The following KIF6 variants were observed in gnomAD, a reference collection of about 807,000 sequenced individuals.
KIF6 encodes kinesin family member 6.
Under a neutral mutation model 112.7 loss-of-function variants are expected in KIF6, and 106 were observed. The ratio of observed to expected loss-of-function variants is 0.94; its 90% CI spans 0.80 to 1.11. The LOEUF (loss-of-function observed/expected upper bound fraction) is 1.11, where lower values mean the gene tolerates loss of function less well. Among genes scored for constraint, KIF6 ranks in the 50% least tolerant of loss-of-function variants. The pLI is 0.00. For missense variants in KIF6, 929 were observed against 964.0 expected, an observed-to-expected ratio of 0.96 and a Z score of 0.48; for synonymous variants, 339 against 339.9, an observed-to-expected ratio of 1.00 and a Z score of 0.03.
chr6:39,360,641 T>C (rs532458360), intron 17 of KIF6, 111 bp from the exon 18 acceptor site: 3 of 1,268,964 alleles, frequency 2.4e-6, no homozygotes, highest in African/African-American at 2.9e-5. Context: ...AGAGCTGCCC[T>C]GGTGCTCAGG....
At chr6:39,388,052 T>G (rs1363664205) in intron 15 of KIF6, among the ~76,000 whole-genome samples, 2 of 152,070 alleles carry the variant, frequency 1.3e-5, no homozygotes, top group African/African-American at 2.4e-5. Flanking sequence ...AGTGGCTTGC[T>G]CCTTTAGAGC....
intron 22 of KIF6, among the ~76,000 whole-genome samples, chr6:39,338,657 C>T (rs545371383): frequency 1.1e-4 from 16 of 152,308 alleles, no homozygotes; most frequent in African/African-American, 3.1e-4. Flanking sequence ...CAGCCCAGAA[C>T]CATTCAGTCA....
chr6:39,613,350 C>G (rs1254779398), intron 5 of KIF6, 32 bp from the exon 6 acceptor site: 1 of 1,533,144 alleles, frequency 6.5e-7, no homozygotes. Flanking sequence ...AAACAAGGTA[C>G]TGCTGAGAAT....
rs1435536101 is a variant in KIF6, at chr6:39,342,619, T to G, written c.2428+1090A>C. On this transcript the variant is annotated intron_variant, in intron 22 of 22. Transcript: ENST00000287152. This position sits in a 1 kb window ranked among gnomAD's most constrained non-coding sequence, Gnocchi z 4.7. ...GTTTTTTATTTTTTTTTATTTTTTT[T>G]TATTTTTTTTTATTTTTAGACAAGG... Among the ~76,000 whole-genome samples, 1 of 120,768 alleles carries G rather than the reference T, an allele frequency of 8.3e-6. No individual in the cohort carries two copies. Among genetic ancestry groups the G allele is most frequent in the Admixed American group, 7.4e-5 (1 of 13,510 alleles). 79.2% of individuals were successfully genotyped at this position (120,768 alleles called of 152,430 possible). A position where few individuals can be genotyped will look rare whatever the true frequency, so the allele number is the denominator to read the frequency against.
chr6:39,365,784 C>A (rs371008132), intron 16 of KIF6, among the ~76,000 whole-genome samples: 211 of 152,312 alleles, frequency 1.4e-3, no homozygotes, highest in African/African-American at 4.5e-3. Context: ...ACTGGCTAGA[C>A]GTCCTGCTGC....
intron 1 of KIF6, among the ~76,000 whole-genome samples, chr6:39,722,559 T>C (rs1790279291): frequency 6.6e-6 from 1 of 152,240 alleles, no homozygotes; most frequent in Admixed American, 6.5e-5. Context: ...TTTATTAATC[T>C]GTTATTACAA....
intron 3 of KIF6, among the ~76,000 whole-genome samples, chr6:39,692,762 AC>A: frequency 6.6e-6 from 1 of 152,270 alleles, no homozygotes; most frequent in East Asian, 1.9e-4. Flanking sequence ...TTAATAAACA[AC>A]CCTATTGTAC....
intron 13 of KIF6, among the ~76,000 whole-genome samples, chr6:39,479,204 T>C (rs1040073104): frequency 6.6e-6 from 1 of 152,162 alleles, no homozygotes; most frequent in Non-Finnish European, 1.5e-5. Context: ...GTTTTTCTGA[T>C]GTTTTCCTCT....
chr6:39,684,788 T>C (rs1318281441), intron 3 of KIF6, among the ~76,000 whole-genome samples: 2 of 148,712 alleles, frequency 1.3e-5, no homozygotes, highest in Non-Finnish European at 3.0e-5. Context: ...AAACTCTGTC[T>C]CGAAAAAAAA....
At chr6:39,610,679 T>G (rs115722041) in intron 6 of KIF6, among the ~76,000 whole-genome samples, 2,548 of 152,304 alleles carry the variant, frequency 0.017, 73 homozygotes, top group African/African-American at 0.058. Context: ...TTGCTTTCAT[T>G]GCTTTCAAGG....
intron 14 of KIF6, among the ~76,000 whole-genome samples, chr6:39,424,872 C>T (rs1426930052): frequency 6.6e-6 from 1 of 152,156 alleles, no homozygotes; most frequent in East Asian, 1.9e-4. Context: ...AGTCAATGGT[C>T]AAGGACACTC....
chr6:39,618,767 A>G (rs1401795069), intron 5 of KIF6, among the ~76,000 whole-genome samples: 2 of 152,228 alleles, frequency 1.3e-5, no homozygotes, highest in Non-Finnish European at 2.9e-5. Context: ...ATTCCTTTGT[A>G]CTGACTTCAA....
chr6:39,555,639 T>C (rs1309258857), intron 10 of KIF6, among the ~76,000 whole-genome samples: 1 of 152,050 alleles, frequency 6.6e-6, no homozygotes, highest in Non-Finnish European at 1.5e-5. Context: ...TTAGAGCCAT[T>C]TGCAGAGAGT....
intron 13 of KIF6, among the ~76,000 whole-genome samples, chr6:39,470,747 C>T (rs958595304): frequency 6.6e-6 from 1 of 152,200 alleles, no homozygotes; most frequent in African/African-American, 2.4e-5. Flanking sequence ...AGTGTTAACT[C>T]TGTCAGGCCA....
chr6:39,701,198 A>G (rs1788857085), intron 3 of KIF6, among the ~76,000 whole-genome samples: 1 of 152,224 alleles, frequency 6.6e-6, no homozygotes, highest in South Asian at 2.1e-4. Context: ...GTTTCTGTTC[A>G]GACACTCAGG....
chr6:39,570,109 T>C (rs1248469421), intron 10 of KIF6, among the ~76,000 whole-genome samples: 1 of 152,244 alleles, frequency 6.6e-6, no homozygotes, highest in Non-Finnish European at 1.5e-5. Flanking sequence ...TATAATACTA[T>C]GTGTTTGGAT....
At chr6:39,551,817 T>G (rs1253994714) in intron 10 of KIF6, among the ~76,000 whole-genome samples, 1 of 152,172 alleles carries the variant, frequency 6.6e-6, no homozygotes, top group Non-Finnish European at 1.5e-5. Context: ...CAACCCTCTG[T>G]GGGTTAAAAC....
intron 13 of KIF6, among the ~76,000 whole-genome samples, chr6:39,488,039 T>C (rs1775232560): frequency 8.2e-6 from 1 of 121,386 alleles, no homozygotes; most frequent in Non-Finnish European, 1.7e-5. Flanking sequence ...TCATCTAAAA[T>C]AAAATCTCAT....
At chr6:39,399,937 T>C (rs1029245286) in intron 15 of KIF6, among the ~76,000 whole-genome samples, 10 of 152,212 alleles carry the variant, frequency 6.6e-5, no homozygotes, top group African/African-American at 2.4e-4. Context: ...GAGGATAGCG[T>C]GCCCAGCAGG....
Sources: allele counts gnomAD v4.1 joint callset (sites outside exome capture counted in the v4.1 genomes callset), GRCh38; gene constraint gnomAD v4.1.1; non-coding constraint Gnocchi (gnomAD v3.1); transcripts MANE v1.5; gene names NCBI Gene and HGNC (gene_info 2026-07-23, HGNC 2026-07-21).